The following RNF40 variants were observed in gnomAD, a reference collection of about 807,000 sequenced individuals.
RNF40 encodes ring finger protein 40, also known as E3 ubiquitin-protein ligase BRE1B.
Under a neutral mutation model 123.3 loss-of-function variants are expected in RNF40, and 39 were observed. The ratio of observed to expected loss-of-function variants is 0.32; its 90% confidence interval spans 0.24 to 0.41. The LOEUF is 0.41. RNF40 is among the 10% of genes least tolerant of loss of function. The pLI, the probability that RNF40 is intolerant of heterozygous loss-of-function variation, is 1.00. For synonymous variants in RNF40, 538 were observed against 526.0 expected (o/e 1.02, Z -0.31); for missense variants, 1,003 against 1,319.9 (o/e 0.76, Z 3.72).
At chr16:30,761,858 G>A, upstream of RNF40, 2 of 1,092,428 alleles carry the variant, frequency 1.8e-6, no homozygotes, top group Non-Finnish European at 1.3e-6. Context: ...GCCTCGCTCC[G>A]GCCAATCTAC....
chr16:30,766,476 A>C lies in RNF40; in HGVS notation c.1211A>C (p.Gln404Pro). 6.2e-7 allele frequency: 1 copy of C among 1,613,884 alleles called. No individual in the cohort carries two copies. Among genetic ancestry groups the C allele is most frequent in the Non-Finnish European group, 8.5e-7 (1 of 1,180,008 alleles). ...TCACTGCTCTACAACGAGTCTCTGC[A>C]AGTGAAGACCCAGCTAGACGAGGCT... ...QFSLLYNESLQVKTQLDEARG... is the reference protein window; with the variant it reads ...QFSLLYNESLPVKTQLDEARG... Residue 404 changes from glutamine (Q) to proline (P), a missense_variant, in exon 10 of 20, where the codon CAA becomes CCA. Coordinates refer to ENST00000324685, the MANE Select transcript of RNF40 (RefSeq NM_014771.4). The surrounding 1 kb of genome is among the most constrained non-coding windows in gnomAD (Gnocchi z 5.4).
chr16:30,772,000 C>CTCTTG, intron 18 of RNF40, 27 bp downstream of exon 18: 1 of 1,586,580 alleles, frequency 6.3e-7, no homozygotes. Flanking sequence ...GGGGCCAGGC[C>CTCTTG]AGGGTGGTCC....
intron 16 of RNF40, 34 bp from the exon 17 acceptor site, chr16:30,769,441 G>A (rs2054106974): frequency 6.2e-7 from 1 of 1,614,174 alleles, no homozygotes; most frequent in Non-Finnish European, 8.5e-7. Flanking sequence ...GGAGAGGTGG[G>A]GGTCATGGCC....
At chr16:30,763,015 C>T (rs760473908) in intron 2 of RNF40, 103 bp from the exon 3 acceptor site, 100 of 1,270,286 alleles carry the variant, frequency 7.9e-5, no homozygotes, top group Non-Finnish European at 1.0e-4. Context: ...GGAATACCTC[C>T]ATCTCCCATG....
chr16:30,775,425 A>C lies in RNF40; in HGVS notation c.*1311A>C. On this transcript the variant is annotated 3_prime_UTR_variant, in exon 20 of 20. Transcript: ENST00000324685. ...GCTGTCATGGCCGGGGGATGCCGGGACTCCTCGGGCTGCATCCTGGGAAGT... is the reference window on the plus strand; with the variant it reads ...GCTGTCATGGCCGGGGGATGCCGGGCCTCCTCGGGCTGCATCCTGGGAAGT... 1.1e-5 allele frequency: 2 copies of C among 185,164 alleles called. No homozygotes were observed. The highest frequency in any genetic ancestry group is 1.6e-4 in the East Asian group (1 of 6,126). The allele number at this position is 185,164 out of a possible 1,614,324, so 11.5% of individuals were successfully genotyped here.
In RNF40 at chr16:30,771,895, G is replaced by A. The variant is rs2054154509; in HGVS notation, c.2649G>A (p.Arg883=). The A allele has an allele frequency of 2.5e-6, 4 of 1,609,838 alleles. No homozygotes were observed. Among genetic ancestry groups the A allele is most frequent in the Non-Finnish European group, 3.4e-6 (4 of 1,177,548 alleles). The stretch of plus-strand genomic sequence containing the variant: ...TGCAGCTGGAGCACGTGCAGACTCG[G>A]CTGCGGGAGATCCAGCCCTGCCTGG... ...LKVQLEHVQT[R]LREIQPCLAE... is the part of the protein sequence containing the mutation. The change falls in exon 18 of 20, where the codon CGG becomes CGA. Residue 883 remains arginine, a synonymous_variant. Transcript: ENST00000324685.
At position 30,772,157 on chromosome 16, in the gene RNF40, C is replaced by T. The variant is rs748071084; in HGVS notation, c.2796C>T (p.Asp932=). 5.8e-6 allele frequency: 9 copies of T among 1,553,122 alleles called. No individual in the cohort carries two copies. The East Asian group carries it at 1.5e-4, about 25-fold the overall frequency. The change falls in exon 19 of 20, where the codon GAC becomes GAT. Residue 932 remains aspartate (D), a synonymous_variant. Coordinates refer to ENST00000324685, the MANE Select transcript of RNF40 (RefSeq NM_014771.4). ...QRKVEVYADA[D]EILQEEIKEY... ...AGGTGGAGGTCTACGCAGATGCCGA[C>T]GAAATCCTCCAGGAGGAGATCAAGG...
intron 19 of RNF40, 38 bp from the exon 20 acceptor site, chr16:30,773,900 C>A: frequency 6.3e-7 from 1 of 1,586,176 alleles, no homozygotes; most frequent in South Asian, 1.1e-5. Flanking sequence ...TGGGCACTGT[C>A]AGAGTTGTTC....
In RNF40 at chr16:30,771,856, C is replaced by T. The variant is rs753420843; in HGVS notation, c.2610C>T (p.Ala870=). The change falls in exon 18 of 20, where the codon GCC becomes GCT. Residue 870 remains alanine, a synonymous_variant. Transcript: ENST00000324685. ...AGGCTGTAGAAGCCGCCCAGCTGGCCGAGGACCTGAAGGTGCAGCTGGAGC... is the reference window on the plus strand; with the variant it reads ...AGGCTGTAGAAGCCGCCCAGCTGGCTGAGGACCTGAAGGTGCAGCTGGAGC... ...KRKAVEAAQL[A]EDLKVQLEHV... The T allele has an allele frequency of 1.9e-5, 30 of 1,596,196 alleles. No individual in the cohort carries two copies. Among genetic ancestry groups the T allele is most frequent in the Admixed American group, 8.6e-5 (5 of 57,810 alleles).
At chr16:30,770,166 G>T (rs185309032) in intron 17 of RNF40, among the ~76,000 whole-genome samples, 63 of 128,548 alleles carry the variant, frequency 4.9e-4, no homozygotes, top group Admixed American at 1.7e-3. Flanking sequence ...GAGTGCAGTG[G>T]TGCGATCTCG....
intron 8 of RNF40, 45 bp downstream of exon 8, chr16:30,765,544 G>T: frequency 6.4e-7 from 1 of 1,556,694 alleles, no homozygotes; most frequent in Non-Finnish European, 8.8e-7. Context: ...CCTCTTCTCT[G>T]TTGCACTCTT....
chr16:30,769,986 C>T (rs1360107572), intron 17 of RNF40, among the ~76,000 whole-genome samples: 1 of 151,994 alleles, frequency 6.6e-6, no homozygotes, highest in South Asian at 2.1e-4. Flanking sequence ...GTAGTCCCAG[C>T]TTCTCGAGCA....
At chr16:30,762,808 A>G (rs1025801926) in intron 2 of RNF40, 131 bp downstream of exon 2, 11 of 1,228,872 alleles carry the variant, frequency 9.0e-6, no homozygotes, top group Middle Eastern at 1.9e-4. Flanking sequence ...CTTGAAAGAA[A>G]GGTTAGAAAG....
In RNF40 at chr16:30,768,490, A is replaced by T; in HGVS notation, c.1939A>T (p.Lys647Ter). The change falls in exon 13 of 20, where the codon AAG (lysine) becomes TAG (stop). Residue 647 changes from lysine (K) to a stop codon, truncating the protein, a stop_gained. Transcript: ENST00000324685. LOFTEE classifies it high-confidence loss of function. The surrounding 1 kb of genome is among the most constrained non-coding windows in gnomAD (Gnocchi z 4.1). ...GGCCAAGGTGGAAGAAACCAAGCGG[A>T]AGGAATCAGAACTCCTCAAGGGTCT... is the stretch of plus-strand genomic sequence containing the variant. ...EKAKVEETKR[K>*]ESELLKGLRA... The T allele has an allele frequency of 6.2e-7, 1 of 1,609,692 alleles. No individual in the cohort carries two copies. The highest frequency in any genetic ancestry group is 1.7e-5 in the Admixed American group (1 of 59,574).
chr16:30,764,033 C>T, intron 4 of RNF40, 146 bp from the exon 5 acceptor site: 2 of 660,966 alleles, frequency 3.0e-6, no homozygotes, highest in Admixed American at 3.1e-5. Context: ...TTTCATTTGT[C>T]TCACTTTCAG....
intron 8 of RNF40, 113 bp downstream of exon 8, chr16:30,765,612 C>CCTG: frequency 1.1e-6 from 1 of 912,680 alleles, no homozygotes; most frequent in South Asian, 1.5e-5. Flanking sequence ...CCTGGTCACT[C>CCTG]CTGCTGCTCT....
At chr16:30,765,819 T>A (rs533459734) in intron 8 of RNF40, among the ~76,000 whole-genome samples, 1 of 152,326 alleles carries the variant, frequency 6.6e-6, no homozygotes, top group African/African-American at 2.4e-5. Flanking sequence ...GTGTTATGAG[T>A]ACCACAAAGA....
chr16:30,770,613 C>T (rs1357408253), intron 17 of RNF40, among the ~76,000 whole-genome samples: 14 of 152,236 alleles, frequency 9.2e-5, no homozygotes, highest in Admixed American at 8.5e-4. Context: ...AAATGTCTAG[C>T]TTTGGCTAAA....
chr16:30,770,437 A>G (rs2054128402), intron 17 of RNF40, among the ~76,000 whole-genome samples: 1 of 152,032 alleles, frequency 6.6e-6, no homozygotes, highest in African/African-American at 2.4e-5. Flanking sequence ...CGTTTTATAA[A>G]TAAGGAAACT....
Sources: allele counts gnomAD v4.1 joint callset (sites outside exome capture counted in the v4.1 genomes callset), GRCh38; gene constraint gnomAD v4.1.1; non-coding constraint Gnocchi (gnomAD v3.1); transcripts MANE v1.5; gene names NCBI Gene and HGNC (gene_info 2026-07-23, HGNC 2026-07-21).